The following REV1 variants were observed in gnomAD, a reference collection of about 807,000 sequenced individuals.
The protein encoded by REV1 is translesion synthesis protein REV1.
In REV1, 42 loss-of-function variants were observed where a neutral mutation model predicts 137.4. The ratio of observed to expected loss-of-function variants is 0.31; its 90% CI spans 0.24 to 0.40. REV1 has a LOEUF of 0.40. REV1 is among the 10% of genes least tolerant of loss of function. The probability of loss-of-function intolerance (pLI) is 1.00; values close to 1 mark genes in which losing one functional copy is unlikely to be tolerated. For missense variants in REV1, 1,282 were observed against 1,490.1 expected, an observed-to-expected ratio of 0.86 and a Z score of 2.30; for synonymous variants, 524 against 519.2, an observed-to-expected ratio of 1.01 and a Z score of -0.12.
chr2:99,425,025 C>A, intron 9 of REV1: 1 of 697,634 alleles, frequency 1.4e-6, no homozygotes, highest in Non-Finnish European at 1.9e-6. Context: ...TCTATTTTAT[C>A]ACTCTGTAAA....
intron 11 of REV1, among the ~76,000 whole-genome samples, 195 bp downstream of exon 11, chr2:99,421,304 T>G (rs1678641262): frequency 6.6e-6 from 1 of 152,092 alleles, no homozygotes; most frequent in Admixed American, 6.6e-5. Context: ...ATATTCTAAC[T>G]TATTTATTGC....
chr2:99,476,174 C>A (rs13420087), intron 1 of REV1, among the ~76,000 whole-genome samples: 24,472 of 152,130 alleles, frequency 0.16, 2,482 homozygotes, highest in African/African-American at 0.27. Context: ...AGATGTTTGG[C>A]CTTTGCCCTT....
intron 9 of REV1, among the ~76,000 whole-genome samples, chr2:99,428,573 C>T (rs893766686): frequency 2.0e-5 from 3 of 152,062 alleles, no homozygotes; most frequent in African/African-American, 7.2e-5. Context: ...TGCTTTTTAA[C>T]TTAAATATAC....
At chr2:99,427,637 T>A (rs1679558866) in intron 9 of REV1, among the ~76,000 whole-genome samples, 1 of 152,116 alleles carries the variant, frequency 6.6e-6, no homozygotes, top group Non-Finnish European at 1.5e-5. Context: ...AAAATTTTCC[T>A]CAGATAAGGA....
rs143554321 is a variant in REV1, at chr2:99,475,537, T to C, written c.-10-10552A>G. 3.3e-3 allele frequency among the ~76,000 whole-genome samples: 496 copies of C among 152,314 alleles called. 16 individuals carry two copies. The East Asian group carries it at 0.087, about 27-fold the overall frequency. ...AGTCTTTGAAGAGGTACATCTACTT[T>C]TACTTTTTACAGACCTGACAAATTC... On this transcript the variant is annotated intron_variant, in intron 1 of 22. Coordinates refer to ENST00000258428, the MANE Select transcript of REV1 (RefSeq NM_016316.4).
chr2:99,442,829 G>A (rs1359540267), intron 4 of REV1, among the ~76,000 whole-genome samples: 1 of 152,034 alleles, frequency 6.6e-6, no homozygotes, highest in Non-Finnish European at 1.5e-5. Context: ...GTCAGAAACT[G>A]TAAAATAAAA....
chr2:99,463,575 C>A (rs1684482745), intron 2 of REV1, among the ~76,000 whole-genome samples: 1 of 152,164 alleles, frequency 6.6e-6, no homozygotes, highest in Middle Eastern at 3.2e-3. Context: ...ATTGAGCAAG[C>A]TACACCAAAG....
At chr2:99,420,805 A>C (rs947286743) in intron 11 of REV1, among the ~76,000 whole-genome samples, 4 of 152,332 alleles carry the variant, frequency 2.6e-5, no homozygotes, top group Admixed American at 2.6e-4. Flanking sequence ...TTACCTTCCA[A>C]GCCTGTGGTA....
At chr2:99,451,317 T>C (rs1430176049) in intron 3 of REV1, 2 of 1,174,754 alleles carry the variant, frequency 1.7e-6, no homozygotes, top group African/African-American at 1.6e-5. Context: ...ACATTAACTT[T>C]CCATATACAT....
Position 99,401,214 on chromosome 2 carries a change from A to G in REV1, c.*27T>C, listed in dbSNP as rs1322117484. On this transcript the variant is annotated 3_prime_UTR_variant, in exon 23 of 23. Coordinates refer to ENST00000258428, the MANE Select transcript of REV1 (RefSeq NM_016316.4). ...CACAAGCACTTATGGCACAGCTATC[A>G]GAGAGCATCAGGCTCTCTGGTAATA... The G allele has an allele frequency of 1.4e-6, 2 of 1,390,916 alleles. No individual in the cohort carries two copies. The highest frequency in any genetic ancestry group is 4.6e-5 in the East Asian group (2 of 43,816). The allele number at this position is 1,390,916 out of a possible 1,614,324, so 86.2% of individuals were successfully genotyped here. A position where few individuals can be genotyped will look rare whatever the true frequency, so the allele number is the denominator to read the frequency against.
Position 99,408,015 on chromosome 2 carries a change from T to C in REV1, c.2448+14A>G, listed in dbSNP as rs1676584050. ...TACACAAAGTCAGAATTTACAATGT[T>C]ACTATATACTTACCCCTCTCATATC... On this transcript the variant is annotated intron_variant, in intron 15 of 22. Transcript: ENST00000258428. 1.4e-6 allele frequency: 2 copies of C among 1,439,564 alleles called. No homozygotes were observed. Among genetic ancestry groups the C allele is most frequent in the East Asian group, 2.4e-5 (1 of 41,408 alleles). The allele number at this position is 1,439,564 out of a possible 1,614,324, so 89.2% of individuals were successfully genotyped here.
chr2:99,487,171 G>T (rs1236968438), intron 1 of REV1, among the ~76,000 whole-genome samples: 1 of 152,214 alleles, frequency 6.6e-6, no homozygotes, highest in Non-Finnish European at 1.5e-5. Context: ...CCGGCAAAAT[G>T]ACTATGGGAC....
intron 15 of REV1, among the ~76,000 whole-genome samples, chr2:99,407,509 G>A (rs995556206): frequency 2.8e-4 from 42 of 151,232 alleles, no homozygotes; most frequent in African/African-American, 1.0e-3. Context: ...CCGATACAAC[G>A]CCATTGCACT....
At chr2:99,441,041 A>C (rs990691647) in intron 5 of REV1, among the ~76,000 whole-genome samples, 2 of 152,240 alleles carry the variant, frequency 1.3e-5, no homozygotes, top group South Asian at 2.1e-4. Context: ...ATTTCTTCCT[A>C]AAGTGTCACA....
At chr2:99,458,781 G>GT (rs2105067696) in intron 3 of REV1, among the ~76,000 whole-genome samples, 1 of 152,316 alleles carries the variant, frequency 6.6e-6, no homozygotes, top group East Asian at 1.9e-4. Context: ...GTTATATGCT[G>GT]TATGTTTTAT....
At chr2:99,474,510 G>T (rs959427060) in intron 1 of REV1, among the ~76,000 whole-genome samples, 1 of 152,268 alleles carries the variant, frequency 6.6e-6, no homozygotes, top group South Asian at 2.1e-4. Context: ...AGGTAATCTA[G>T]CAACAGTCTG....
intron 11 of REV1, among the ~76,000 whole-genome samples, chr2:99,420,350 T>C (rs1289049048): frequency 6.6e-6 from 1 of 152,202 alleles, no homozygotes; most frequent in Non-Finnish European, 1.5e-5. Flanking sequence ...ACTTGTCATA[T>C]GCAACCTAAC....
chr2:99,411,171 G>A (rs1352249930), intron 13 of REV1, among the ~76,000 whole-genome samples: 2 of 151,822 alleles, frequency 1.3e-5, no homozygotes, highest in East Asian at 2.0e-4. Context: ...GCCTGTAATC[G>A]CAGCTACTCA....
At chr2:99,453,466 C>T (rs989462508) in intron 3 of REV1, among the ~76,000 whole-genome samples, 1 of 152,186 alleles carries the variant, frequency 6.6e-6, no homozygotes, top group Non-Finnish European at 1.5e-5. Flanking sequence ...GCTAAAGCTG[C>T]TCTCTATTCA....
Sources: allele counts gnomAD v4.1 joint callset (sites outside exome capture counted in the v4.1 genomes callset), GRCh38; gene constraint gnomAD v4.1.1; transcripts MANE v1.5; gene names NCBI Gene and HGNC (gene_info 2026-07-23, HGNC 2026-07-21).